DLGAP2: variants seen among roughly 807,000 people sequenced by gnomAD.
DLGAP2 encodes the protein disks large-associated protein 2.
A neutral mutation model predicts 100.3 loss-of-function variants in DLGAP2; 26 were observed. That is an observed-to-expected ratio of 0.26 (90% CI 0.19 to 0.36). DLGAP2 has a LOEUF of 0.36. DLGAP2 is among the 10% of genes least tolerant of loss of function. The pLI, the probability that DLGAP2 is intolerant of heterozygous loss-of-function variation, is 1.00. For synonymous variants in DLGAP2, 886 were observed against 630.1 expected, an observed-to-expected ratio of 1.41 and a Z score of -6.08; for missense variants, 1,858 against 1,453.2, an observed-to-expected ratio of 1.28 and a Z score of -4.53.
intron 1 of DLGAP2, among the ~76,000 whole-genome samples, chr8:748,927 C>G (rs530493892): frequency 1.3e-5 from 2 of 152,360 alleles, no homozygotes; most frequent in Admixed American, 1.3e-4. Flanking sequence ...ATTCTTCTCA[C>G]CTACAATCTA....
rs1302250216 is a variant in DLGAP2, at chr8:1,267,610, AG to A, written c.106+8728del. ...AAATAAGATAAGATAAGATAAGATA[AG>A]ATAAGATAAGATAAATATTAAATAG... On this transcript the variant is annotated intron_variant, in intron 3 of 14. Transcript: ENST00000637795. Among the ~76,000 whole-genome samples, 224 of 112,728 alleles carry A rather than the reference AG, an allele frequency of 2.0e-3. 17 individuals are homozygous for A. Among genetic ancestry groups the A allele is most frequent in the African/African-American group, 5.7e-3 (130 of 22,654 alleles). 74.0% of individuals were successfully genotyped at this position (112,728 alleles called of 152,430 possible).
chr8:1,033,649 AGAG>A (rs1802035769), intron 2 of DLGAP2, among the ~76,000 whole-genome samples: 1 of 152,206 alleles, frequency 6.6e-6, no homozygotes, highest in South Asian at 2.1e-4. Context: ...CCTGGGTGAC[AGAG>A]GGAGACCGTG....
intron 2 of DLGAP2, among the ~76,000 whole-genome samples, chr8:1,053,334 G>T (rs1802778384): frequency 6.6e-6 from 1 of 152,004 alleles, no homozygotes; most frequent in South Asian, 2.1e-4. Context: ...AAGTTTGGGG[G>T]AACATAGAAT....
At chr8:1,198,887 G>A (rs1797810336) in intron 2 of DLGAP2, among the ~76,000 whole-genome samples, 1 of 152,264 alleles carries the variant, frequency 6.6e-6, no homozygotes, top group Non-Finnish European at 1.5e-5. Flanking sequence ...TGCCTATGCA[G>A]GTGCACAGGG....
At position 1,321,181 on chromosome 8, in the gene DLGAP2, GTC is replaced by G. The variant is rs1800891336; in HGVS notation, c.106+62302_106+62303del. Among the ~76,000 whole-genome samples, 8 of 151,624 alleles carry G rather than the reference GTC, an allele frequency of 5.3e-5. No homozygotes were observed. The South Asian group carries it at 1.7e-3, about 32-fold the overall frequency. On this transcript the variant is annotated intron_variant, in intron 3 of 14. Coordinates refer to ENST00000637795, the MANE Select transcript of DLGAP2 (RefSeq NM_001346810.2). Reference sequence around the variant, plus strand: ...TGCCCGTATGTGTCTGCGTCCATGTGTCTCTACGTGTGCACGTGCATCCATGT... The same window carrying G: ...TGCCCGTATGTGTCTGCGTCCATGTGTCTACGTGTGCACGTGCATCCATGT...
chr8:1,577,311 G>A (rs1803021696), intron 6 of DLGAP2, among the ~76,000 whole-genome samples: 1 of 152,194 alleles, frequency 6.6e-6, no homozygotes, highest in African/African-American at 2.4e-5. Flanking sequence ...GCTCATGCCT[G>A]TAATCCCAGC....
chr8:1,495,067 C>A (rs901444855), intron 3 of DLGAP2, among the ~76,000 whole-genome samples: 1 of 152,330 alleles, frequency 6.6e-6, no homozygotes, highest in East Asian at 1.9e-4. Flanking sequence ...ATTGCCAGGA[C>A]CGACACCAGG....
At chr8:1,572,970 G>A (rs1446685932) in intron 6 of DLGAP2, among the ~76,000 whole-genome samples, 2 of 133,786 alleles carry the variant, frequency 1.5e-5, no homozygotes, top group African/African-American at 5.7e-5. Context: ...ATGAGATGGA[G>A]AGGAGAGAGG....
At chr8:1,572,330 T>C (rs1429403486) in intron 6 of DLGAP2, among the ~76,000 whole-genome samples, 3 of 106,190 alleles carry the variant, frequency 2.8e-5, no homozygotes, top group Admixed American at 1.0e-4. Context: ...AGGAGTGAAC[T>C]GTGGGGGCGT....
At chr8:1,037,557 G>T (rs138284180) in intron 2 of DLGAP2, among the ~76,000 whole-genome samples, 3 of 152,122 alleles carry the variant, frequency 2.0e-5, no homozygotes, top group African/African-American at 7.2e-5. Flanking sequence ...TGTCCCTCCC[G>T]GCATCACCTG....
intron 2 of DLGAP2, among the ~76,000 whole-genome samples, chr8:1,199,262 G>A (rs111872079): frequency 5.3e-5 from 8 of 152,218 alleles, no homozygotes; most frequent in African/African-American, 1.7e-4. Context: ...AGATATCGTT[G>A]AAGACTCTGC....
chr8:1,676,444 A>G, intron 10 of DLGAP2, 89 bp from the exon 11 acceptor site: 1 of 1,386,608 alleles, frequency 7.2e-7, no homozygotes, highest in Non-Finnish European at 1.0e-6. Flanking sequence ...TGCGTAATTA[A>G]TTACAGCAAA....
rs548613189 is a variant in DLGAP2, at chr8:1,287,372, G to A, written c.106+28489G>A. On this transcript the variant is annotated intron_variant, in intron 3 of 14. Coordinates refer to ENST00000637795, the MANE Select transcript of DLGAP2 (RefSeq NM_001346810.2). ...GGAGGGGAACTAGTTTTGGTTCAGC[G>A]TGTGTGTGTGTATGTGGTTTTGTTA... Among the ~76,000 whole-genome samples the A allele has an allele frequency of 1.8e-4, 26 of 142,214 alleles. No individual in the cohort carries two copies. In the South Asian group the frequency reaches 2.3e-3, roughly 12 times the overall value. The allele number at this position is 142,214 out of a possible 152,430, so 93.3% of individuals were successfully genotyped here.
intron 2 of DLGAP2, among the ~76,000 whole-genome samples, chr8:979,239 C>G (rs992724659): frequency 2.0e-5 from 3 of 152,162 alleles, no homozygotes; most frequent in African/African-American, 4.8e-5. Flanking sequence ...TAATGACAAA[C>G]TAATAAAAAC....
intron 1 of DLGAP2, among the ~76,000 whole-genome samples, chr8:769,587 T>C (rs1359309014): frequency 6.6e-6 from 1 of 152,168 alleles, no homozygotes. Flanking sequence ...GGCTAATTTA[T>C]TGATTCAAAA....
rs562459480 is a variant in DLGAP2, at chr8:1,242,637, A to G, written c.74-16214A>G. Among the ~76,000 whole-genome samples the G allele has an allele frequency of 5.3e-5, 8 of 152,264 alleles. No individual in the cohort carries two copies. In the East Asian group the frequency reaches 1.2e-3, roughly 22 times the overall value. Reference sequence around the variant, plus strand: ...TGGCACTTGTTGCCGTTGACCTTGTATGTTTGTTCTTAGGATTCCCTGATT... The same window carrying G: ...TGGCACTTGTTGCCGTTGACCTTGTGTGTTTGTTCTTAGGATTCCCTGATT... On this transcript the variant is annotated intron_variant, in intron 2 of 14. Transcript: ENST00000637795.
At chr8:813,868 C>T (rs1339437179) in intron 1 of DLGAP2, among the ~76,000 whole-genome samples, 2 of 152,006 alleles carry the variant, frequency 1.3e-5, no homozygotes, top group Non-Finnish European at 2.9e-5. Flanking sequence ...GTTCTTCTGC[C>T]GAATGTTCTG....
intron 2 of DLGAP2, among the ~76,000 whole-genome samples, chr8:914,308 C>G (rs1340451421): frequency 6.6e-6 from 1 of 152,196 alleles, no homozygotes; most frequent in East Asian, 1.9e-4. Context: ...GGCTGGGGCG[C>G]TCTTTTCCTG....
In DLGAP2 at chr8:1,188,636, T is replaced by TC. The variant is rs1285751678; in HGVS notation, c.74-70212dup. Among the ~76,000 whole-genome samples the TC allele has an allele frequency of 2.0e-5, 3 of 151,992 alleles. No individual in the cohort carries two copies. In the East Asian group the frequency reaches 5.8e-4, roughly 30 times the overall value. ...TTGCCTCACGGAATCTCACAGCTCC[T>TC]CCCAATAGAACAGCGACTCATCCGC... On this transcript the variant is annotated intron_variant, in intron 2 of 14. Transcript: ENST00000637795.
Sources: allele counts gnomAD v4.1 joint callset (sites outside exome capture counted in the v4.1 genomes callset), GRCh38; gene constraint gnomAD v4.1.1; transcripts MANE v1.5; gene names NCBI Gene and HGNC (gene_info 2026-07-23, HGNC 2026-07-21).